EDN3: variants seen among roughly 807,000 people sequenced by gnomAD.
The protein encoded by EDN3 is endothelin-3.
EDN3 carries 9 observed loss-of-function variants against 21.4 expected under a neutral mutation model. The observed-to-expected ratio is 0.42, with a 90% confidence interval of 0.25 to 0.73. EDN3 has a LOEUF of 0.73. EDN3 is among the 30% of genes least tolerant of loss of function. The pLI is 0.26. For missense variants in EDN3, 327 were observed against 309.4 expected (o/e 1.06, Z -0.43); for synonymous variants, 133 against 126.2 (o/e 1.05, Z -0.36).
intron 2 of EDN3, among the ~76,000 whole-genome samples, chr20:59,315,997 A>G (rs913506361): frequency 6.6e-6 from 1 of 152,182 alleles, no homozygotes; most frequent in Non-Finnish European, 1.5e-5. Context: ...CATTCTGGCC[A>G]ACATGGTGAA....
chr20:59,301,912 T>A (rs894661650), intron 2 of EDN3, among the ~76,000 whole-genome samples, 190 bp downstream of exon 2: 40 of 151,798 alleles, frequency 2.6e-4, no homozygotes, highest in Admixed American at 2.6e-3. Context: ...GTGACCCACA[T>A]CCCCCCTGAG....
At chr20:59,307,072 G>C (rs540574978) in intron 2 of EDN3, among the ~76,000 whole-genome samples, 33 of 152,338 alleles carry the variant, frequency 2.2e-4, no homozygotes, top group Admixed American at 4.6e-4. Flanking sequence ...TTGAACCCAG[G>C]AGGTGGAGGT....
chr20:59,310,619 T>C (rs1195355224), intron 2 of EDN3, among the ~76,000 whole-genome samples: 2 of 152,132 alleles, frequency 1.3e-5, no homozygotes, highest in Non-Finnish European at 2.9e-5. Context: ...CTTCTTCTTT[T>C]GTGGCCTCCT....
At chr20:59,320,710 A>T (rs1335257247) in intron 2 of EDN3, among the ~76,000 whole-genome samples, 1 of 152,256 alleles carries the variant, frequency 6.6e-6, no homozygotes, top group Non-Finnish European at 1.5e-5. Context: ...TAAGGGGCTC[A>T]CAAGTGCAGG....
In EDN3 at chr20:59,321,118, A is replaced by G. The variant is rs1368364460; in HGVS notation, c.467A>G (p.His156Arg). 1.9e-6 allele frequency: 3 copies of G among 1,614,202 alleles called. No homozygotes were observed. Among genetic ancestry groups the G allele is most frequent in the East Asian group, 2.2e-5 (1 of 44,884 alleles). The change falls in exon 3 of 5, where the codon CAC becomes CGC. Residue 156 changes from histidine to arginine, a missense_variant. By Grantham distance (29) the His-to-Arg change is conservative (BLOSUM62 0). Transcript: ENST00000337938. ...AATCTGCAGCTCTCACATCGGCCAC[A>G]CTTGCGCTGCGCTTGTGTGGGGAGA... is the stretch of plus-strand genomic sequence containing the variant. The part of the protein sequence containing the change: ...PGNLQLSHRP[H>R]LRCACVGRYD...
chr20:59,305,996 C>T lies in EDN3; in HGVS notation c.365+4274C>T, dbSNP rs540311924. On this transcript the variant is annotated intron_variant, in intron 2 of 4. Coordinates refer to ENST00000337938, the MANE Select transcript of EDN3 (RefSeq NM_207034.3). The surrounding 1 kb of genome is among the most constrained non-coding windows in gnomAD (Gnocchi z 4.2). ...AGCTCGAACCACATTTCATGGCGGA[C>T]CAGCCCCTCAGAGCCTGGCTGAAGA... Among the ~76,000 whole-genome samples the T allele has an allele frequency of 2.0e-5, 3 of 152,262 alleles. No individual in the cohort carries two copies. The highest frequency in any genetic ancestry group is 7.2e-5 in the African/African-American group (3 of 41,538).
chr20:59,305,516 C>T lies in EDN3; in HGVS notation c.365+3794C>T, dbSNP rs982380445. The stretch of plus-strand genomic sequence containing the variant: ...GCAGATTATGCATATATCAGAAGTG[C>T]GGTTGCCAAAGGAAATATTTGGTTG... On this transcript the variant is annotated intron_variant, in intron 2 of 4. Coordinates refer to ENST00000337938, the MANE Select transcript of EDN3 (RefSeq NM_207034.3). This position sits in a 1 kb window ranked among gnomAD's most constrained non-coding sequence, Gnocchi z 4.2. 3.3e-5 allele frequency among the ~76,000 whole-genome samples: 5 copies of T among 152,106 alleles called. No individual in the cohort carries two copies. Among genetic ancestry groups the T allele is most frequent in the African/African-American group, 7.2e-5 (3 of 41,410 alleles).
chr20:59,309,615 CT>C (rs531727313), intron 2 of EDN3, among the ~76,000 whole-genome samples: 16 of 152,190 alleles, frequency 1.1e-4, no homozygotes, highest in Non-Finnish European at 2.2e-4. Flanking sequence ...GGTTTTTCCC[CT>C]CACATAACCA....
chr20:59,317,962 G>C (rs1568840349), intron 2 of EDN3, among the ~76,000 whole-genome samples: 1 of 152,142 alleles, frequency 6.6e-6, no homozygotes, highest in Non-Finnish European at 1.5e-5. Flanking sequence ...TGCAACTCTG[G>C]GCCCTGTGGG....
intron 2 of EDN3, among the ~76,000 whole-genome samples, chr20:59,317,532 A>G (rs1262139201): frequency 1.3e-5 from 2 of 152,208 alleles, no homozygotes; most frequent in African/African-American, 4.8e-5. Context: ...ATCATGTAAC[A>G]TAAGAGCAGT....
At position 59,324,647 on chromosome 20, in the gene EDN3, C is replaced by A; in HGVS notation, c.*188C>A. On this transcript the variant is annotated 3_prime_UTR_variant, in exon 5 of 5. Coordinates refer to ENST00000337938, the MANE Select transcript of EDN3 (RefSeq NM_207034.3). ...CCAAATCCGAATGACCCCAGTTTTC[C>A]TAATGAGTAAAATGATCCCAGATGT... The A allele has an allele frequency of 1.3e-6, 1 of 745,312 alleles. No homozygotes were observed. The highest frequency in any genetic ancestry group is 2.2e-6 in the Non-Finnish European group (1 of 449,998). 46.2% of individuals were successfully genotyped at this position (745,312 alleles called of 1,614,324 possible). A position where few individuals can be genotyped will look rare whatever the true frequency, so the allele number is the denominator to read the frequency against.
intron 2 of EDN3, among the ~76,000 whole-genome samples, chr20:59,318,706 GC>G (rs1197205258): frequency 6.6e-6 from 1 of 152,244 alleles, no homozygotes; most frequent in Non-Finnish European, 1.5e-5. Flanking sequence ...ACCGCGCTTG[GC>G]GGCCGGGGAA....
intron 2 of EDN3, among the ~76,000 whole-genome samples, chr20:59,318,155 A>G (rs107421): frequency 0.3 from 46,318 of 152,124 alleles, 9,218 homozygotes; most frequent in African/African-American, 0.57. Context: ...GCAGGGCTCC[A>G]GGTACATATC....
chr20:59,307,941 T>C (rs779604511), intron 2 of EDN3, among the ~76,000 whole-genome samples: 5 of 151,706 alleles, frequency 3.3e-5, no homozygotes, highest in Non-Finnish European at 7.4e-5. Flanking sequence ...ATATATATAA[T>C]TCTATGTAAT....
intron 2 of EDN3, among the ~76,000 whole-genome samples, chr20:59,307,259 T>A (rs1436179594): frequency 6.6e-6 from 1 of 152,190 alleles, no homozygotes; most frequent in African/African-American, 2.4e-5. Context: ...TGGAAAGGGG[T>A]CATGAATAGT....
chr20:59,317,481 A>G (rs1990254048), intron 2 of EDN3, among the ~76,000 whole-genome samples: 4 of 152,288 alleles, frequency 2.6e-5, no homozygotes, highest in Admixed American at 2.6e-4. Context: ...GTCCAGCCAC[A>G]CTTTTGTCGA....
intron 2 of EDN3, among the ~76,000 whole-genome samples, chr20:59,307,043 G>T (rs1318870749): frequency 1.3e-5 from 2 of 152,210 alleles, no homozygotes; most frequent in African/African-American, 2.4e-5. Context: ...TACTGGAGAG[G>T]CTGAAGCAGG....
At chr20:59,318,438 G>C (rs1600749781) in intron 2 of EDN3, among the ~76,000 whole-genome samples, 1 of 152,232 alleles carries the variant, frequency 6.6e-6, no homozygotes, top group South Asian at 2.1e-4. Context: ...GGGCTTATCA[G>C]ATCGATTGAA....
chr20:59,303,747 C>T (rs757619240), intron 2 of EDN3, among the ~76,000 whole-genome samples: 17 of 152,184 alleles, frequency 1.1e-4, no homozygotes, highest in Admixed American at 9.2e-4. Flanking sequence ...CTCATGATTT[C>T]GAGTTTGTCC....
Sources: allele counts gnomAD v4.1 joint callset (sites outside exome capture counted in the v4.1 genomes callset), GRCh38; gene constraint gnomAD v4.1.1; non-coding constraint Gnocchi (gnomAD v3.1); transcripts MANE v1.5; gene names NCBI Gene and HGNC (gene_info 2026-07-23, HGNC 2026-07-21).